Variants in BTN3A1 observed in about 807,000 individuals in gnomAD.
The protein encoded by BTN3A1 is dJ45P21.3 (butyrophilin, subfamily 3, member A1).
Under a neutral mutation model 43.0 loss-of-function variants are expected in BTN3A1, and 24 were observed. That is an observed-to-expected ratio of 0.56 (90% CI 0.40 to 0.78). BTN3A1 has a LOEUF of 0.78. Among genes scored for constraint, BTN3A1 ranks in the 30% least tolerant of loss-of-function variants. BTN3A1 has a pLI of 0.00. For synonymous variants in BTN3A1, 181 were observed against 234.7 expected (o/e 0.77, Z 2.09); for missense variants, 533 against 626.2 (o/e 0.85, Z 1.59).
At position 26,405,655 on chromosome 6, in the gene BTN3A1, A is replaced by G; in HGVS notation, c.85+7A>G. On this transcript the variant is annotated splice_region_variant and intron_variant, in intron 2 of 9. Coordinates refer to ENST00000289361, the MANE Select transcript of BTN3A1 (RefSeq NM_007048.6). ...CTGCTCATGCCTCACTCAGGTAGGGAACAATTCCACGCTTGTTTCTGAAGC... is the reference window on the plus strand; with the variant it reads ...CTGCTCATGCCTCACTCAGGTAGGGGACAATTCCACGCTTGTTTCTGAAGC... 6.2e-7 allele frequency: 1 copy of G among 1,613,972 alleles called. No individual in the cohort carries two copies. Among genetic ancestry groups the G allele is most frequent in the Non-Finnish European group, 8.5e-7 (1 of 1,179,868 alleles).
At chr6:26,409,956 T>A in intron 6 of BTN3A1, 42 bp downstream of exon 6, 2 of 1,614,186 alleles carry the variant, frequency 1.2e-6, no homozygotes, top group Non-Finnish European at 1.7e-6. Context: ...TGTCTTCCTG[T>A]CCCTGCTTTA....
chr6:26,409,925 A>T lies in BTN3A1; in HGVS notation c.937+11A>T. The T allele has an allele frequency of 1.9e-6, 3 of 1,614,158 alleles. No individual in the cohort carries two copies. Among genetic ancestry groups the T allele is most frequent in the Non-Finnish European group, 2.5e-6 (3 of 1,180,024 alleles). On this transcript the variant is annotated intron_variant, in intron 6 of 9. Transcript: ENST00000289361. ...TCCTGGAGGAACTCAGTAAGTTCCC[A>T]TTCCCCCAGAGACCCAGGCATGTCT... is the stretch of plus-strand genomic sequence containing the variant.
chr6:26,413,838 G>A lies in BTN3A1; in HGVS notation c.*146G>A. 1.3e-6 allele frequency: 2 copies of A among 1,505,182 alleles called. No individual in the cohort carries two copies. Among genetic ancestry groups the A allele is most frequent in the Non-Finnish European group, 1.8e-6 (2 of 1,104,024 alleles). 93.2% of individuals were successfully genotyped at this position (1,505,182 alleles called of 1,614,324 possible). On this transcript the variant is annotated 3_prime_UTR_variant, in exon 10 of 10. Transcript: ENST00000289361. The stretch of plus-strand genomic sequence containing the variant: ...TCTCCCTGCCCAGCTCAGAGCTGAG[G>A]GCCTCCCCCTCCACAGCAACCAATC...
Position 26,405,694 on chromosome 6 carries a change from A to T in BTN3A1, c.85+46A>T, listed in dbSNP as rs1202235065. 3.1e-6 allele frequency: 5 copies of T among 1,606,518 alleles called. No homozygotes were observed. In the Admixed American group the frequency reaches 6.7e-5, roughly 21 times the overall value. On this transcript the variant is annotated intron_variant, in intron 2 of 9. Coordinates refer to ENST00000289361, the MANE Select transcript of BTN3A1 (RefSeq NM_007048.6). Reference sequence around the variant, plus strand: ...TGTTTCTGAAGCAGACAATTACCTAATTATGTCCTCATAGGACTTTTGACT... The same window carrying T: ...TGTTTCTGAAGCAGACAATTACCTATTTATGTCCTCATAGGACTTTTGACT...
chr6:26,408,823 C>A lies in BTN3A1; in HGVS notation c.716-710C>A, dbSNP rs1023898784. ...CTCTATAGTGAAGTGGAAAAACCTC[C>A]AAGATTAACTTTGCACAGAAAGAGC... On this transcript the variant is annotated intron_variant, in intron 4 of 9. Coordinates refer to ENST00000289361, the MANE Select transcript of BTN3A1 (RefSeq NM_007048.6). 6.6e-5 allele frequency among the ~76,000 whole-genome samples: 10 copies of A among 152,136 alleles called. 1 individual carries two copies. Among genetic ancestry groups the A allele is most frequent in the African/African-American group, 2.4e-4 (10 of 41,414 alleles).
chr6:26,408,943 G>C (rs1336186220), intron 4 of BTN3A1, among the ~76,000 whole-genome samples: 1 of 152,144 alleles, frequency 6.6e-6, no homozygotes, highest in Non-Finnish European at 1.5e-5. Context: ...AAGTTAACAA[G>C]TAATGTCATA....
rs1561850945 is a variant in BTN3A1 at position 26,413,895 on chromosome 6, C to A, written c.*203C>A. On this transcript the variant is annotated 3_prime_UTR_variant, in exon 10 of 10. Transcript: ENST00000289361. Reference sequence around the variant, plus strand: ...ATAAAGCTACAAGCACGCACTGAAGCACTTTACTGATACTCATTCAATTAT... The same window carrying A: ...ATAAAGCTACAAGCACGCACTGAAGAACTTTACTGATACTCATTCAATTAT... 1.1e-6 allele frequency: 1 copy of A among 870,272 alleles called. No homozygotes were observed. The highest frequency in any genetic ancestry group is 1.6e-5 in the South Asian group (1 of 62,980). 53.9% of individuals were successfully genotyped at this position (870,272 alleles called of 1,614,324 possible).
intron 1 of BTN3A1, among the ~76,000 whole-genome samples, chr6:26,404,738 A>T (rs995310761): frequency 2.0e-5 from 3 of 152,342 alleles, no homozygotes; most frequent in Non-Finnish European, 1.5e-5. Flanking sequence ...TCGACTTGAC[A>T]TCAGGAAGTG....
Position 26,405,947 on chromosome 6 carries a change from G to A in BTN3A1, c.124G>A (p.Ala42Thr). 6.2e-7 allele frequency: 1 copy of A among 1,613,126 alleles called. No homozygotes were observed. Among genetic ancestry groups the A allele is most frequent in the Non-Finnish European group, 8.5e-7 (1 of 1,179,474 alleles). The stretch of plus-strand genomic sequence containing the variant: ...GCTTGGACCCTCTGGGCCCATCCTG[G>A]CCATGGTGGGTGAAGACGCTGATCT... The part of the protein sequence containing the change: ...SVLGPSGPIL[A>T]MVGEDADLPC... Residue 42 changes from alanine to threonine, a missense_variant, in exon 3 of 10, where the codon GCC (alanine) becomes ACC (threonine). Physicochemically the swap from Ala to Thr is moderately conservative, Grantham distance 58 (BLOSUM62 0). Transcript: ENST00000289361.
At chr6:26,411,025 A>AAAAAAAAAAAATT in intron 7 of BTN3A1, 84 bp from the exon 8 acceptor site, 6 of 796,976 alleles carry the variant, frequency 7.5e-6, no homozygotes, top group Non-Finnish European at 9.8e-6. Context: ...AAAAAAAAAG[A>AAAAAAAAAAAATT]TTAGATGGAT....
At chr6:26,411,917 A>G (rs1341044117) in intron 9 of BTN3A1, 1 of 270,822 alleles carries the variant, frequency 3.7e-6, no homozygotes, top group Non-Finnish European at 6.9e-6. Context: ...AAAGGAGGCG[A>G]TGCCTGCCCA....
intron 9 of BTN3A1, chr6:26,412,334 C>G (rs1487637049): frequency 8.9e-6 from 6 of 670,874 alleles, no homozygotes; most frequent in Admixed American, 2.4e-5. Flanking sequence ...AGAGCAGCAG[C>G]AGCTGCTGCT....
chr6:26,411,107 A>AG lies in BTN3A1; in HGVS notation c.968dup. ...GACATCTCTATCTTTTTTTCATTGT[A>AG]GGGGGAGAGAGACATTCAGCCTATA... On this transcript the variant is annotated splice_acceptor_variant, in intron 7 of 9. Transcript: ENST00000289361. LOFTEE classifies it high-confidence loss of function. 2 of 1,593,526 alleles carry AG rather than the reference A, an allele frequency of 1.3e-6. No homozygotes were observed. The highest frequency in any genetic ancestry group is 1.1e-5 in the South Asian group (1 of 89,262).
intron 9 of BTN3A1, chr6:26,412,684 T>A (rs1169679517): frequency 7.7e-6 from 12 of 1,551,458 alleles, no homozygotes; most frequent in Admixed American, 5.9e-5. Context: ...AGAGATTCAT[T>A]TGTTTATCCC....
rs1024060783 is a variant in BTN3A1, at chr6:26,413,415, T to A, written c.1265T>A (p.Val422Asp). The change falls in exon 10 of 10, where the codon GTC becomes GAC. Residue 422 changes from valine (V) to aspartate (D), a missense_variant. This residue lies in a region of BTN3A1 where 415 missense variants were observed against 427.0 expected (regional missense o/e 0.97). Transcript: ENST00000289361. ...AAGAATGTGCAGAGAAAAGGCTGGG[T>A]CAAAATGACACCTGAGAATGGATTC... is the stretch of plus-strand genomic sequence containing the variant. ...CSKNVQRKGW[V>D]KMTPENGFWT... 1.4e-5 allele frequency: 23 copies of A among 1,613,674 alleles called. No homozygotes were observed. The highest frequency in any genetic ancestry group is 1.7e-5 in the Non-Finnish European group (20 of 1,179,962).
At chr6:26,403,161 G>A (rs1581620024) in intron 1 of BTN3A1, among the ~76,000 whole-genome samples, 1 of 152,280 alleles carries the variant, frequency 6.6e-6, no homozygotes, top group African/African-American at 2.4e-5. Flanking sequence ...TGCTTCCTGG[G>A]TTCCAGTGAT....
In BTN3A1 at chr6:26,410,075, G is replaced by A. The variant is rs1406142311; in HGVS notation, c.964+43G>A. The A allele has an allele frequency of 1.9e-6, 3 of 1,609,676 alleles. No homozygotes were observed. In the East Asian group the frequency reaches 6.7e-5, roughly 36 times the overall value. On this transcript the variant is annotated intron_variant, in intron 7 of 9. Coordinates refer to ENST00000289361, the MANE Select transcript of BTN3A1 (RefSeq NM_007048.6). ...TTTCTCTGAATTTGAATCTATAACT[G>A]TCTGTGCTTGAATAGTTTCCACTCT...
rs1762327820 is a variant in BTN3A1 at position 26,414,582 on chromosome 6, A to G, written c.*890A>G. On this transcript the variant is annotated 3_prime_UTR_variant, in exon 10 of 10. Coordinates refer to ENST00000289361, the MANE Select transcript of BTN3A1 (RefSeq NM_007048.6). Reference sequence around the variant, plus strand: ...CAACAAATGTGATAAGTGATCATGCAGCCAGAGCCAGCCTTCCTTCAATCA... The same window carrying G: ...CAACAAATGTGATAAGTGATCATGCGGCCAGAGCCAGCCTTCCTTCAATCA... 6.6e-6 allele frequency: 1 copy of G among 152,256 alleles called. No individual in the cohort carries two copies. Among genetic ancestry groups the G allele is most frequent in the Non-Finnish European group, 1.5e-5 (1 of 68,058 alleles). 9.4% of individuals were successfully genotyped at this position (152,256 alleles called of 1,614,324 possible).
chr6:26,405,890 C>A lies in BTN3A1; in HGVS notation c.86-19C>A. ...CAACTCCAAAACCCTCTGACAGATC[C>A]TCCCCCTTGTGCCTACAGCTCAGTT... is the stretch of plus-strand genomic sequence containing the variant. On this transcript the variant is annotated intron_variant, in intron 2 of 9. Coordinates refer to ENST00000289361, the MANE Select transcript of BTN3A1 (RefSeq NM_007048.6). 6.2e-7 allele frequency: 1 copy of A among 1,613,564 alleles called. No individual in the cohort carries two copies. Among genetic ancestry groups the A allele is most frequent in the African/African-American group, 1.3e-5 (1 of 75,004 alleles).
Sources: allele counts gnomAD v4.1 joint callset (sites outside exome capture counted in the v4.1 genomes callset), GRCh38; gene constraint gnomAD v4.1.1; regional missense constraint gnomAD v4.1.1; transcripts MANE v1.5; gene names NCBI Gene and HGNC (gene_info 2026-07-23, HGNC 2026-07-21).